VAMP4: variants seen among roughly 807,000 people sequenced by gnomAD.
VAMP4 encodes the protein vesicle-associated membrane protein 4.
A neutral mutation model predicts 23.5 loss-of-function variants in VAMP4; 19 were observed. That is an observed-to-expected ratio of 0.81 (90% CI 0.56 to 1.19). The LOEUF (loss-of-function observed/expected upper bound fraction) is 1.19. Among genes scored for constraint, VAMP4 ranks in the 50% most tolerant of loss-of-function variants. The probability of loss-of-function intolerance (pLI) is 0.00; values close to 1 mark genes in which losing one functional copy is unlikely to be tolerated. For synonymous variants in VAMP4, 31 were observed against 51.0 expected (o/e 0.61, Z 1.67); for missense variants, 145 against 168.6 (o/e 0.86, Z 0.78).
intron 2 of VAMP4, among the ~76,000 whole-genome samples, chr1:171,732,351 T>A (rs1655591068): frequency 7.2e-6 from 1 of 138,162 alleles, no homozygotes; most frequent in African/African-American, 2.8e-5. Context: ...CAAGACCGTG[T>A]CTCTATGGGA....
At chr1:171,727,692 C>A (rs1335844440) in intron 3 of VAMP4, among the ~76,000 whole-genome samples, 4 of 152,148 alleles carry the variant, frequency 2.6e-5, no homozygotes, top group East Asian at 1.9e-4. Flanking sequence ...GTAGAAACAA[C>A]CCAAAAATCC....
intron 1 of VAMP4, among the ~76,000 whole-genome samples, chr1:171,741,385 T>C (rs1286110074): frequency 1.3e-5 from 2 of 152,108 alleles, no homozygotes; most frequent in East Asian, 3.9e-4. Flanking sequence ...GGAGATATTA[T>C]TTGCAAAACC....
At chr1:171,712,040 G>A (rs1654864383) in intron 4 of VAMP4, among the ~76,000 whole-genome samples, 1 of 152,082 alleles carries the variant, frequency 6.6e-6, no homozygotes, top group Non-Finnish European at 1.5e-5. Context: ...GTGTGTAGCA[G>A]ACTACACCAT....
intron 6 of VAMP4, among the ~76,000 whole-genome samples, chr1:171,708,337 CAAAAAA>C (rs200077955): frequency 1.1e-5 from 1 of 87,456 alleles, no homozygotes; most frequent in Non-Finnish European, 2.3e-5. Flanking sequence ...AAGAGTGCCA[CAAAAAA>C]AAAAAAAAAA....
chr1:171,714,232 T>C (rs906303153), intron 4 of VAMP4, among the ~76,000 whole-genome samples: 2 of 152,206 alleles, frequency 1.3e-5, no homozygotes, highest in Non-Finnish European at 2.9e-5. Context: ...TAGTTTGGTT[T>C]ACAAAGCAAG....
chr1:171,701,454 A>G lies in VAMP4; in HGVS notation c.*3052T>C, dbSNP rs1413638745. The G allele has an allele frequency of 6.6e-6, 1 of 152,212 alleles. No individual in the cohort carries two copies. The highest frequency in any genetic ancestry group is 1.5e-5 in the Non-Finnish European group (1 of 68,028). 9.4% of individuals were successfully genotyped at this position (152,212 alleles called of 1,614,324 possible). On this transcript the variant is annotated 3_prime_UTR_variant, in exon 8 of 8. Transcript: ENST00000236192. ...CAAGGCATCAAGCATGTTTTAGAGT[A>G]TACCGGCAATGAGAGATTTCAATTA...
At chr1:171,709,629 C>G (rs1228365231) in intron 6 of VAMP4, 36 bp downstream of exon 6, 1 of 1,599,698 alleles carries the variant, frequency 6.3e-7, no homozygotes, top group Non-Finnish European at 8.6e-7. Context: ...ACTTCAGATG[C>G]TGACCAGTCT....
chr1:171,718,029 C>T (rs544525804), intron 4 of VAMP4, among the ~76,000 whole-genome samples: 2 of 152,192 alleles, frequency 1.3e-5, no homozygotes, highest in South Asian at 2.1e-4. Context: ...AAAAGGCTCA[C>T]CTAAGAAGTG....
chr1:171,708,338 A>C (rs1245642762), intron 6 of VAMP4, among the ~76,000 whole-genome samples: 1 of 59,848 alleles, frequency 1.7e-5, no homozygotes, highest in Non-Finnish European at 3.4e-5. Context: ...AGAGTGCCAC[A>C]AAAAAAAAAA....
At chr1:171,705,523 C>A (rs1654621287) in intron 7 of VAMP4, among the ~76,000 whole-genome samples, 2 of 151,988 alleles carry the variant, frequency 1.3e-5, no homozygotes, top group African/African-American at 4.8e-5. Flanking sequence ...GGTTGGGGGA[C>A]TTACAATTTT....
At chr1:171,731,414 A>C (rs961203839) in intron 2 of VAMP4, among the ~76,000 whole-genome samples, 1 of 142,720 alleles carries the variant, frequency 7.0e-6, no homozygotes, top group Non-Finnish European at 1.5e-5. Flanking sequence ...CTTAAAGTAT[A>C]ATAATAATAA....
chr1:171,722,221 G>GATC (rs1339398750), intron 3 of VAMP4, among the ~76,000 whole-genome samples: 3 of 152,062 alleles, frequency 2.0e-5, no homozygotes, highest in Non-Finnish European at 4.4e-5. Context: ...GCTGAAACTG[G>GATC]ATCCCTTCCT....
intron 2 of VAMP4, among the ~76,000 whole-genome samples, chr1:171,735,357 C>T (rs1418889079): frequency 1.3e-5 from 2 of 152,170 alleles, no homozygotes; most frequent in East Asian, 3.8e-4. Context: ...TTGAATTTGG[C>T]TACAACCTTC....
intron 3 of VAMP4, among the ~76,000 whole-genome samples, chr1:171,728,254 T>A (rs1009549888): frequency 2.0e-5 from 3 of 152,216 alleles, no homozygotes; most frequent in African/African-American, 7.2e-5. Flanking sequence ...AGCCCTTTAG[T>A]TATCAACATC....
chr1:171,711,040 C>T (rs1654831674), intron 4 of VAMP4, among the ~76,000 whole-genome samples: 1 of 152,082 alleles, frequency 6.6e-6, no homozygotes, highest in African/African-American at 2.4e-5. Context: ...AGATAGCTTA[C>T]TTTTAGCCCT....
chr1:171,703,670 GAGTA>G lies in VAMP4; in HGVS notation c.*832_*835del, dbSNP rs965638962. 1.1e-4 allele frequency: 16 copies of G among 151,858 alleles called. No homozygotes were observed. The highest frequency in any genetic ancestry group is 3.1e-4 in the African/African-American group (13 of 41,342). The allele number at this position is 151,858 out of a possible 1,614,324, so 9.4% of individuals were successfully genotyped here. On this transcript the variant is annotated 3_prime_UTR_variant, in exon 8 of 8. Transcript: ENST00000236192. ...GGCTATTAACTAAAATAAAATTAAG[GAGTA>G]AGTAAGTTACCTGTAAATTTCATTT...
Position 171,738,482 on chromosome 1 carries a change from T to C in VAMP4, c.-49-19A>G. The C allele has an allele frequency of 5.3e-6, 8 of 1,513,764 alleles. No homozygotes were observed. The highest frequency in any genetic ancestry group is 1.8e-5 in the Admixed American group (1 of 56,698). 93.8% of individuals were successfully genotyped at this position (1,513,764 alleles called of 1,614,324 possible). A position where few individuals can be genotyped will look rare whatever the true frequency, so the allele number is the denominator to read the frequency against. ...TCACCACCTTAAAGAGAAAATAAATTTCATCAGATTTGAGACTTTGGGGCA... is the reference window on the plus strand; with the variant it reads ...TCACCACCTTAAAGAGAAAATAAATCTCATCAGATTTGAGACTTTGGGGCA... On this transcript the variant is annotated intron_variant, in intron 1 of 7. Coordinates refer to ENST00000236192, the MANE Select transcript of VAMP4 (RefSeq NM_003762.5).
At chr1:171,724,289 C>G (rs978480106) in intron 3 of VAMP4, among the ~76,000 whole-genome samples, 3 of 122,558 alleles carry the variant, frequency 2.4e-5, no homozygotes, top group African/African-American at 9.6e-5. Flanking sequence ...CACTTGGACA[C>G]AGGGTGGGGA....
At position 171,719,237 on chromosome 1, in the gene VAMP4, T is replaced by C. The variant is rs775069167; in HGVS notation, c.114-16A>G. 1.2e-6 allele frequency: 2 copies of C among 1,606,420 alleles called. No homozygotes were observed. The highest frequency in any genetic ancestry group is 1.7e-6 in the Non-Finnish European group (2 of 1,174,934). ...TGGTCCCCTTCTGAAAACAAGTACA[T>C]ACCAAGTACATATTAGTAGTGACAG... is the stretch of plus-strand genomic sequence containing the variant. On this transcript the variant is annotated splice_polypyrimidine_tract_variant and intron_variant, in intron 3 of 7. Coordinates refer to ENST00000236192, the MANE Select transcript of VAMP4 (RefSeq NM_003762.5).
Sources: allele counts gnomAD v4.1 joint callset (sites outside exome capture counted in the v4.1 genomes callset), GRCh38; gene constraint gnomAD v4.1.1; transcripts MANE v1.5; gene names NCBI Gene and HGNC (gene_info 2026-07-23, HGNC 2026-07-21).